The following PTPRN2 variants were observed in gnomAD, a reference collection of about 807,000 sequenced individuals.
PTPRN2 encodes receptor-type tyrosine-protein phosphatase N2.
PTPRN2 carries 74 observed loss-of-function variants against 118.8 expected under a neutral mutation model. The observed-to-expected ratio is 0.62, with a 90% CI of 0.52 to 0.76. PTPRN2 has a LOEUF of 0.76. Among genes scored for constraint, PTPRN2 ranks in the 30% least tolerant of loss-of-function variants. The pLI, the probability that PTPRN2 is intolerant of heterozygous loss-of-function variation, is 0.00. For missense variants in PTPRN2, 1,481 were observed against 1,394.4 expected (o/e 1.06, Z -0.99); for synonymous variants, 641 against 608.0 (o/e 1.05, Z -0.80).
chr7:158,071,104 CGTGGTGGTGG>C (rs1563389285), intron 11 of PTPRN2, among the ~76,000 whole-genome samples: 39 of 51,406 alleles, frequency 7.6e-4, no homozygotes, highest in Non-Finnish European at 8.5e-4. Flanking sequence ...TGGAGGTGCT[CGTGGTGGTGG>C]AGGTGCCCGT....
chr7:157,772,946 G>A (rs905847986), intron 12 of PTPRN2, among the ~76,000 whole-genome samples: 1 of 152,118 alleles, frequency 6.6e-6, no homozygotes, highest in Non-Finnish European at 1.5e-5. Context: ...TGCCGACTCC[G>A]GGTGTACACT....
chr7:158,291,994 G>C (rs1454430100), intron 3 of PTPRN2, among the ~76,000 whole-genome samples: 1 of 152,212 alleles, frequency 6.6e-6, no homozygotes, highest in African/African-American at 2.4e-5. Flanking sequence ...ACACAAGCCT[G>C]TAATGTGAAT....
chr7:158,328,707 G>A (rs114778973), intron 2 of PTPRN2, among the ~76,000 whole-genome samples: 1,811 of 151,880 alleles, frequency 0.012, 34 homozygotes, highest in African/African-American at 0.041. Flanking sequence ...CCTTGTGAGT[G>A]TGAGTGACGT....
At chr7:158,462,622 T>C (rs1622851) in intron 2 of PTPRN2, among the ~76,000 whole-genome samples, 103,645 of 152,064 alleles carry the variant, frequency 0.68, 35,681 homozygotes, top group Admixed American at 0.77. Context: ...AAAGGAGTGG[T>C]TCCTCAATGA....
At chr7:157,952,245 C>T (rs372509640) in intron 11 of PTPRN2, among the ~76,000 whole-genome samples, 95 of 152,214 alleles carry the variant, frequency 6.2e-4, no homozygotes, top group Middle Eastern at 3.4e-3. Flanking sequence ...GGCCGAACCC[C>T]GCAGGACAAC....
At chr7:157,978,801 G>A (rs1455908685) in intron 11 of PTPRN2, among the ~76,000 whole-genome samples, 3 of 151,958 alleles carry the variant, frequency 2.0e-5, no homozygotes, top group Non-Finnish European at 4.4e-5. Context: ...TGCATTCGTG[G>A]TGAAGTCGGT....
chr7:158,076,833 G>A (rs958644644), intron 11 of PTPRN2, among the ~76,000 whole-genome samples: 5 of 152,186 alleles, frequency 3.3e-5, no homozygotes, highest in African/African-American at 9.7e-5. Context: ...CCCTGGCACC[G>A]GGGTTGGGGG....
At chr7:158,407,126 CCT>C (rs1813519097) in intron 2 of PTPRN2, among the ~76,000 whole-genome samples, 1 of 150,378 alleles carries the variant, frequency 6.6e-6, no homozygotes, top group Non-Finnish European at 1.5e-5. Context: ...CGTCCTGGGT[CCT>C]GGGTCCTGCG....
At position 158,003,114 on chromosome 7, in the gene PTPRN2, T is replaced by C. The variant is rs952280474; in HGVS notation, c.1723+78184A>G. 3.3e-5 allele frequency among the ~76,000 whole-genome samples: 5 copies of C among 152,114 alleles called. No homozygotes were observed. Among genetic ancestry groups the C allele is most frequent in the African/African-American group, 1.2e-4 (5 of 41,430 alleles). On this transcript the variant is annotated intron_variant, in intron 11 of 22. Coordinates refer to ENST00000389418, the MANE Select transcript of PTPRN2 (RefSeq NM_002847.5). This position sits in a 1 kb window ranked among gnomAD's most constrained non-coding sequence, Gnocchi z 5.0. ...TGTGACTGTACTTGGGGACAGGGCC[T>C]CTAAAGAGGTAAAGGTAAGGCCGGG... is the stretch of plus-strand genomic sequence containing the variant.
At chr7:158,114,471 T>C (rs2150377662) in intron 9 of PTPRN2, among the ~76,000 whole-genome samples, 1 of 152,302 alleles carries the variant, frequency 6.6e-6, no homozygotes, top group African/African-American at 2.4e-5. Flanking sequence ...TCAGGCAATC[T>C]ACACATCAGT....
At chr7:157,737,449 T>C (rs1800367473) in intron 12 of PTPRN2, among the ~76,000 whole-genome samples, 1 of 152,244 alleles carries the variant, frequency 6.6e-6, no homozygotes, top group Non-Finnish European at 1.5e-5. Context: ...CATGGTGCTC[T>C]CTGGCCGGGC....
intron 1 of PTPRN2, among the ~76,000 whole-genome samples, chr7:158,523,815 A>AGTC (rs199871980): frequency 1.7e-4 from 7 of 42,044 alleles, no homozygotes; most frequent in South Asian, 2.1e-3. Flanking sequence ...CCTGGAGTGG[A>AGTC]GTCTGCCCTG....
intron 1 of PTPRN2, among the ~76,000 whole-genome samples, chr7:158,562,606 T>C (rs1827455337): frequency 6.6e-6 from 1 of 152,204 alleles, no homozygotes; most frequent in South Asian, 2.1e-4. Context: ...AAACCCAGTG[T>C]TATGTTAAAG....
chr7:158,443,224 C>G (rs1817480596), intron 2 of PTPRN2, among the ~76,000 whole-genome samples: 1 of 152,188 alleles, frequency 6.6e-6, no homozygotes, highest in Non-Finnish European at 1.5e-5. Context: ...ACGCTCCAAG[C>G]CCATCTTCCG....
rs529193274 is a variant in PTPRN2, at chr7:158,011,963, A to T, written c.1723+69335T>A. Among the ~76,000 whole-genome samples the T allele has an allele frequency of 9.9e-5, 15 of 152,282 alleles. No homozygotes were observed. In the South Asian group the frequency reaches 1.2e-3, roughly 13 times the overall value. On this transcript the variant is annotated intron_variant, in intron 11 of 22. Transcript: ENST00000389418. The stretch of plus-strand genomic sequence containing the variant: ...TTCTTTTTTTGGTTGAAAAACTACA[A>T]CAATAAGAGATCAAATATTCCATAA...
At chr7:157,606,593 G>A (rs1000557370) in intron 15 of PTPRN2, among the ~76,000 whole-genome samples, 7 of 152,174 alleles carry the variant, frequency 4.6e-5, no homozygotes, top group Admixed American at 1.3e-4. Context: ...TGGAGCCCTC[G>A]GAGGCCAGTG....
intron 13 of PTPRN2, among the ~76,000 whole-genome samples, chr7:157,678,316 T>C (rs1430191180): frequency 6.6e-6 from 1 of 152,142 alleles, no homozygotes; most frequent in African/African-American, 2.4e-5. Flanking sequence ...TCTGGTGGGG[T>C]CAAGTAAACC....
At chr7:157,872,655 G>A (rs1811179888) in intron 12 of PTPRN2, among the ~76,000 whole-genome samples, 1 of 152,264 alleles carries the variant, frequency 6.6e-6, no homozygotes, top group Non-Finnish European at 1.5e-5. Context: ...GCACTGAGAG[G>A]CGCTCTTGCG....
intron 11 of PTPRN2, among the ~76,000 whole-genome samples, chr7:157,906,023 G>A (rs960957721): frequency 6.6e-6 from 1 of 152,182 alleles, no homozygotes; most frequent in Non-Finnish European, 1.5e-5. Flanking sequence ...CCGTGCAGGG[G>A]GTCAGCATCT....
Sources: gnomAD v4.1 joint callset for allele counts (sites outside exome capture counted in the v4.1 genomes callset) on GRCh38, gnomAD v4.1.1 for gene constraint, Gnocchi (gnomAD v3.1) non-coding constraint, MANE v1.5 for transcripts, NCBI Gene and HGNC (gene_info 2026-07-23, HGNC 2026-07-21) for gene names.